KCNIP1: variants seen among roughly 807,000 people sequenced by gnomAD.
KCNIP1 encodes A-type potassium channel modulatory protein KCNIP1.
KCNIP1 carries 18 observed loss-of-function variants against 33.0 expected under a neutral mutation model. The ratio of observed to expected loss-of-function variants is 0.55; its 90% CI spans 0.38 to 0.81. The LOEUF is 0.81. Among genes scored for constraint, KCNIP1 ranks in the 30% least tolerant of loss-of-function variants. The pLI is 0.00. For synonymous variants in KCNIP1, 93 were observed against 98.3 expected (o/e 0.95, Z 0.32); for missense variants, 238 against 271.6 (o/e 0.88, Z 0.87).
At position 170,483,538 on chromosome 5, in the gene KCNIP1, A is replaced by G. The variant is rs148467946; in HGVS notation, c.88+129574A>G. Among the ~76,000 whole-genome samples the G allele has an allele frequency of 4.8e-4, 73 of 152,328 alleles. 1 individual carries two copies. In the East Asian group the frequency reaches 6.4e-3, roughly 13 times the overall value. On this transcript the variant is annotated intron_variant, in intron 1 of 7. Coordinates refer to the KCNIP1 transcript ENST00000377360. ...TCCATAACTTGGGTAATGCATGTCA[A>G]TGGTGATCTGTGTGGGGCCGCAAGG...
intron 1 of KCNIP1, among the ~76,000 whole-genome samples, chr5:170,696,854 A>G (rs1762914763): frequency 6.6e-6 from 1 of 152,156 alleles, no homozygotes; most frequent in African/African-American, 2.4e-5. Flanking sequence ...CATAAAGAGC[A>G]TGGCCTTTTT....
At chr5:170,387,692 C>T (rs965058806) in intron 1 of KCNIP1, among the ~76,000 whole-genome samples, 3 of 152,232 alleles carry the variant, frequency 2.0e-5, no homozygotes, top group African/African-American at 7.2e-5. Context: ...CCTTTTCCTC[C>T]TGTTCTGTGA....
At chr5:170,417,002 C>A (rs1755348504) in intron 1 of KCNIP1, among the ~76,000 whole-genome samples, 1 of 152,186 alleles carries the variant, frequency 6.6e-6, no homozygotes, top group Admixed American at 6.5e-5. Flanking sequence ...CCCAGCAATT[C>A]TACCACTAGG....
rs1764292902 is a variant in KCNIP1 at position 170,733,850 on chromosome 5, T to A, written c.555T>A (p.Asn185Lys). ...ATGTCTTTCAGAAAATGGACAAAAA[T>A]AAAGATGGCATCGTAACTTTAGATG... ...VDVFFQKMDK[N>K]KDGIVTLDEF... Residue 185 changes from asparagine to lysine, a missense_variant, in exon 7 of 8, where the codon AAT becomes AAA. Physicochemically the swap from Asn to Lys is moderately conservative, Grantham distance 94. Coordinates refer to ENST00000328939, the MANE Select transcript of KCNIP1 (RefSeq NM_014592.4). 5.0e-6 allele frequency: 8 copies of A among 1,613,390 alleles called. No individual in the cohort carries two copies. Among genetic ancestry groups the A allele is most frequent in the Non-Finnish European group, 6.8e-6 (8 of 1,179,588 alleles).
intron 1 of KCNIP1, among the ~76,000 whole-genome samples, chr5:170,488,668 G>A (rs892729493): frequency 6.6e-6 from 1 of 152,218 alleles, no homozygotes; most frequent in Admixed American, 6.5e-5. Context: ...TCAGAAGGTA[G>A]AGAGAGACTG....
intron 1 of KCNIP1, among the ~76,000 whole-genome samples, chr5:170,633,353 A>C (rs1359205595): frequency 6.6e-6 from 1 of 151,932 alleles, no homozygotes; most frequent in East Asian, 2.0e-4. Flanking sequence ...TAGTCATAGG[A>C]GCAAATTTTA....
intron 1 of KCNIP1, among the ~76,000 whole-genome samples, chr5:170,696,697 A>C (rs907600035): frequency 3.9e-5 from 6 of 152,170 alleles, no homozygotes; most frequent in African/African-American, 9.6e-5. Flanking sequence ...TGACATGCAA[A>C]GATGTGGAAG....
In KCNIP1 at chr5:170,558,719, C is replaced by T. The variant is rs920126438; in HGVS notation, c.61+54086C>T. Among the ~76,000 whole-genome samples the T allele has an allele frequency of 2.0e-5, 3 of 152,322 alleles. No individual in the cohort carries two copies. The East Asian group carries it at 5.8e-4, about 29-fold the overall frequency. On this transcript the variant is annotated intron_variant, in intron 1 of 7. Coordinates refer to ENST00000328939, the MANE Select transcript of KCNIP1 (RefSeq NM_014592.4). ...TTCAGGGAATTTAAACTTTAATGGT[C>T]CCCCGGTCTATTATTATGTTTTAAT...
intron 1 of KCNIP1, among the ~76,000 whole-genome samples, chr5:170,660,585 C>G (rs1181677342): frequency 6.6e-6 from 1 of 152,204 alleles, no homozygotes; most frequent in African/African-American, 2.4e-5. Context: ...TCCCATGTTC[C>G]TGTCTCACCC....
At position 170,613,534 on chromosome 5, in the gene KCNIP1, G is replaced by A. The variant is rs114310499; in HGVS notation, c.62-105224G>A. ...GTCCAAAACTACACAGCTAATAAGT[G>A]AGAGAGCCAAGATTTGAACCTGAAG... On this transcript the variant is annotated intron_variant, in intron 1 of 7. Transcript: ENST00000328939. 6.9e-3 allele frequency among the ~76,000 whole-genome samples: 1,054 copies of A among 152,258 alleles called. 11 individuals carry two copies. The highest frequency in any genetic ancestry group is 0.024 in the African/African-American group (1,006 of 41,554).
chr5:170,648,163 C>G (rs1760869138), intron 1 of KCNIP1, among the ~76,000 whole-genome samples: 1 of 152,182 alleles, frequency 6.6e-6, no homozygotes, highest in Non-Finnish European at 1.5e-5. Flanking sequence ...CAGGAACTCT[C>G]ATCAGTGCTT....
At chr5:170,526,147 T>C (rs1035937987) in intron 1 of KCNIP1, among the ~76,000 whole-genome samples, 1 of 152,228 alleles carries the variant, frequency 6.6e-6, no homozygotes, top group African/African-American at 2.4e-5. Flanking sequence ...CTTGCACTTG[T>C]GTGACCTGGC....
chr5:170,659,930 A>G (rs1761410779), intron 1 of KCNIP1, among the ~76,000 whole-genome samples: 1 of 152,192 alleles, frequency 6.6e-6, no homozygotes, highest in Non-Finnish European at 1.5e-5. Flanking sequence ...CAGGAGTAGA[A>G]TGATCACAAG....
intron 1 of KCNIP1, among the ~76,000 whole-genome samples, chr5:170,400,418 C>G (rs757011580): frequency 2.0e-5 from 3 of 152,134 alleles, no homozygotes; most frequent in Non-Finnish European, 4.4e-5. Context: ...AACTCCCTTA[C>G]TATCATGAGA....
chr5:170,353,913 G>A (rs1222690098), exon 1 of KCNIP1: 39 of 1,614,082 alleles, frequency 2.4e-5, no homozygotes, highest in Middle Eastern at 3.3e-4. Context: ...GCTTGGGTTC[G>A]TGAAATTTGC....
chr5:170,363,882 C>T (rs1162035677), intron 1 of KCNIP1, among the ~76,000 whole-genome samples: 2 of 151,818 alleles, frequency 1.3e-5, no homozygotes, highest in African/African-American at 2.4e-5. Flanking sequence ...TGTCTACCCT[C>T]AGGCTCTGGC....
chr5:170,732,451 T>C (rs1764239462), intron 5 of KCNIP1, among the ~76,000 whole-genome samples: 1 of 152,230 alleles, frequency 6.6e-6, no homozygotes. Flanking sequence ...TTTAAATCTC[T>C]AGGCTAGAAC....
intron 1 of KCNIP1, among the ~76,000 whole-genome samples, chr5:170,403,681 T>C (rs1228022699): frequency 6.6e-6 from 1 of 152,200 alleles, no homozygotes; most frequent in African/African-American, 2.4e-5. Context: ...GGTCAGCTTA[T>C]CTCTGAATGT....
At chr5:170,697,160 C>T (rs1762926111) in intron 1 of KCNIP1, among the ~76,000 whole-genome samples, 1 of 152,092 alleles carries the variant, frequency 6.6e-6, no homozygotes, top group African/African-American at 2.4e-5. Flanking sequence ...GGCCCACCGT[C>T]ACTCCTCAGG....
Sources: gnomAD v4.1 joint callset for allele counts (sites outside exome capture counted in the v4.1 genomes callset) on GRCh38, gnomAD v4.1.1 for gene constraint, MANE v1.5 for transcripts, NCBI Gene and HGNC (gene_info 2026-07-23, HGNC 2026-07-21) for gene names.